Variants in DIP2B observed in about 807,000 individuals in gnomAD.
The protein encoded by DIP2B is DIP2 acetate--CoA ligase B (putative), also known as disco-interacting protein 2 homolog B.
DIP2B carries 76 observed loss-of-function variants against 198.0 expected under a neutral mutation model. That is an observed-to-expected ratio of 0.38 (90% confidence interval 0.32 to 0.46). The LOEUF is 0.46. DIP2B is among the 20% of genes least tolerant of loss of function. The pLI is 0.99. For missense variants in DIP2B, 1,559 were observed against 1,978.4 expected (o/e 0.79, Z 4.02); for synonymous variants, 701 against 739.1 (o/e 0.95, Z 0.84).
At chr12:50,622,332 T>G (rs1043310286) in intron 1 of DIP2B, among the ~76,000 whole-genome samples, 47 of 152,218 alleles carry the variant, frequency 3.1e-4, no homozygotes, top group African/African-American at 1.1e-3. Flanking sequence ...AAAAATTCAG[T>G]TTCTGTATTT....
At chr12:50,672,421 C>T (rs1208128506) in intron 5 of DIP2B, among the ~76,000 whole-genome samples, 1 of 152,132 alleles carries the variant, frequency 6.6e-6, no homozygotes, top group Non-Finnish European at 1.5e-5. Context: ...CCTCTCCAGT[C>T]GTGGAGCAAC....
chr12:50,511,823 C>A (rs1355584888), intron 1 of DIP2B, among the ~76,000 whole-genome samples: 1 of 150,980 alleles, frequency 6.6e-6, no homozygotes, highest in African/African-American at 2.4e-5. Context: ...TGGCTTGCAC[C>A]TGTAGTCCCA....
chr12:50,646,380 C>G (rs1938351691), intron 3 of DIP2B, among the ~76,000 whole-genome samples: 1 of 151,230 alleles, frequency 6.6e-6, no homozygotes, highest in Non-Finnish European at 1.5e-5. Context: ...CTTGACCTAC[C>G]AAAGTGCTGG....
intron 1 of DIP2B, among the ~76,000 whole-genome samples, chr12:50,516,052 G>T (rs1958060307): frequency 1.3e-5 from 2 of 152,154 alleles, no homozygotes; most frequent in Admixed American, 1.3e-4. Context: ...AAGATTTATT[G>T]TCTGATGAGA....
At chr12:50,714,309 GT>G (rs1939673038) in intron 22 of DIP2B, 85 bp from the exon 23 acceptor site, 1 of 1,494,438 alleles carries the variant, frequency 6.7e-7, no homozygotes, top group Non-Finnish European at 9.2e-7. Flanking sequence ...AAGAAAAATT[GT>G]AGCGTAAAAT....
At position 50,708,436 on chromosome 12, in the gene DIP2B, T is replaced by A; in HGVS notation, c.2535-12T>A. On this transcript the variant is annotated splice_polypyrimidine_tract_variant and intron_variant, in intron 21 of 37. Coordinates refer to ENST00000301180, the MANE Select transcript of DIP2B (RefSeq NM_173602.3). ...GAAGGGAGTCCTGATGTGTTTGATCTGTCTCTCTTAGAATTGCTGTGTTTT... is the reference window on the plus strand; with the variant it reads ...GAAGGGAGTCCTGATGTGTTTGATCAGTCTCTCTTAGAATTGCTGTGTTTT... The A allele has an allele frequency of 6.3e-7, 1 of 1,577,518 alleles. No homozygotes were observed. Among genetic ancestry groups the A allele is most frequent in the Non-Finnish European group, 8.6e-7 (1 of 1,159,250 alleles).
At position 50,685,847 on chromosome 12, in the gene DIP2B, G is replaced by A; in HGVS notation, c.1332G>A (p.Gln444=). The A allele has an allele frequency of 6.2e-7, 1 of 1,613,574 alleles. No homozygotes were observed. The highest frequency in any genetic ancestry group is 1.1e-5 in the South Asian group (1 of 91,038). Residue 444 remains glutamine (Q), a synonymous_variant, in exon 11 of 38, where the codon CAG becomes CAA. Transcript: ENST00000301180. ...VPLTRKDAGG[Q]QIGFLLGSCG... The stretch of plus-strand genomic sequence containing the variant: ...TTTCTCCACAGGATGCTGGAGGTCA[G>A]CAGATTGGCTTCTTGCTAGGAAGCT...
chr12:50,521,114 T>C (rs1958113921), intron 1 of DIP2B, among the ~76,000 whole-genome samples: 1 of 149,016 alleles, frequency 6.7e-6, no homozygotes, highest in South Asian at 2.1e-4. Flanking sequence ...TTTTTTTTTT[T>C]TTTTTAATTT....
chr12:50,710,262 G>C (rs1023911640), intron 22 of DIP2B, among the ~76,000 whole-genome samples: 1 of 152,210 alleles, frequency 6.6e-6, no homozygotes, highest in Non-Finnish European at 1.5e-5. Flanking sequence ...ATGGTCCAAA[G>C]AAAGTGTGGC....
At chr12:50,638,169 C>T (rs1018271829) in intron 2 of DIP2B, among the ~76,000 whole-genome samples, 2 of 152,110 alleles carry the variant, frequency 1.3e-5, no homozygotes, top group Admixed American at 6.5e-5. Flanking sequence ...TCTTTTTCTT[C>T]GGATCTCTGT....
At chr12:50,638,521 T>C (rs1938197801) in intron 2 of DIP2B, among the ~76,000 whole-genome samples, 1 of 152,214 alleles carries the variant, frequency 6.6e-6, no homozygotes, top group South Asian at 2.1e-4. Flanking sequence ...TGTAATGGCA[T>C]ATAGTATCTC....
chr12:50,737,636 C>T (rs531897069), intron 35 of DIP2B, among the ~76,000 whole-genome samples: 16 of 152,208 alleles, frequency 1.1e-4, no homozygotes, highest in Admixed American at 3.3e-4. Flanking sequence ...GAGACAGTCT[C>T]ACTCTGTTGC....
At chr12:50,615,268 T>A (rs1343818276) in intron 1 of DIP2B, among the ~76,000 whole-genome samples, 2 of 152,090 alleles carry the variant, frequency 1.3e-5, no homozygotes, top group Non-Finnish European at 2.9e-5. Context: ...CGCCATTTCT[T>A]TTTTTTTCTA....
chr12:50,522,865 G>A (rs1453531603), intron 1 of DIP2B, among the ~76,000 whole-genome samples: 1 of 152,146 alleles, frequency 6.6e-6, no homozygotes, highest in Non-Finnish European at 1.5e-5. Context: ...GTGGATAGGT[G>A]GTAAGTAAAA....
chr12:50,634,072 C>A (rs1457622211), intron 2 of DIP2B, among the ~76,000 whole-genome samples: 1 of 152,178 alleles, frequency 6.6e-6, no homozygotes, highest in African/African-American at 2.4e-5. Flanking sequence ...CCATCTCTTG[C>A]TCATTCTGAG....
intron 21 of DIP2B, 106 bp downstream of exon 21, chr12:50,706,771 G>T: frequency 7.4e-7 from 1 of 1,350,516 alleles, no homozygotes. Flanking sequence ...CAAGTGATCA[G>T]ATTGTTTTTG....
At chr12:50,702,840 C>T (rs191567148) in intron 19 of DIP2B, among the ~76,000 whole-genome samples, 50 of 151,230 alleles carry the variant, frequency 3.3e-4, no homozygotes, top group Non-Finnish European at 5.4e-4. Context: ...TACAAATGCT[C>T]GGCAAACGAA....
At chr12:50,531,756 T>C (rs1343517468) in intron 1 of DIP2B, among the ~76,000 whole-genome samples, 1 of 152,142 alleles carries the variant, frequency 6.6e-6, no homozygotes, top group Admixed American at 6.5e-5. Context: ...GTAGCTAGGA[T>C]ATATACACAT....
intron 2 of DIP2B, among the ~76,000 whole-genome samples, chr12:50,626,825 T>C (rs913221181): frequency 6.6e-6 from 1 of 151,202 alleles, no homozygotes; most frequent in African/African-American, 2.4e-5. Context: ...ACTTTGTATC[T>C]CCCACAGTTC....
Sources: gnomAD v4.1 joint callset for allele counts (sites outside exome capture counted in the v4.1 genomes callset) on GRCh38, gnomAD v4.1.1 for gene constraint, MANE v1.5 for transcripts, NCBI Gene and HGNC (gene_info 2026-07-23, HGNC 2026-07-21) for gene names.